Variants in MARK3 observed in about 807,000 individuals in gnomAD.
The protein encoded by MARK3 is microtubule affinity regulating kinase 3.
MARK3 carries 46 observed loss-of-function variants against 90.1 expected under a neutral mutation model. The observed-to-expected ratio is 0.51, with a 90% CI of 0.40 to 0.65. MARK3 has a LOEUF of 0.65. MARK3 is among the 30% of genes least tolerant of loss of function. The pLI is 0.00. For synonymous variants in MARK3, 321 were observed against 332.6 expected (o/e 0.97, Z 0.38); for missense variants, 818 against 947.2 (o/e 0.86, Z 1.79).
At chr14:103,459,861 C>G (rs1306286694) in intron 6 of MARK3, among the ~76,000 whole-genome samples, 2 of 151,608 alleles carry the variant, frequency 1.3e-5, no homozygotes, top group Non-Finnish European at 2.9e-5. Context: ...ATTACTTTGA[C>G]TAAGTAAAAC....
chr14:103,424,836 T>C (rs920328030), intron 2 of MARK3, among the ~76,000 whole-genome samples: 2 of 152,246 alleles, frequency 1.3e-5, no homozygotes, highest in African/African-American at 2.4e-5. Flanking sequence ...CTTTGATTTA[T>C]ATAATTTTTA....
chr14:103,397,404 G>A (rs908920934), intron 1 of MARK3, among the ~76,000 whole-genome samples: 1 of 145,868 alleles, frequency 6.9e-6, no homozygotes, highest in Non-Finnish European at 1.5e-5. Flanking sequence ...TCGGCTCACC[G>A]CAACCTCCGC....
intron 13 of MARK3, among the ~76,000 whole-genome samples, chr14:103,475,697 A>G (rs1177136665): frequency 6.6e-6 from 1 of 152,202 alleles, no homozygotes; most frequent in Admixed American, 6.5e-5. Flanking sequence ...CTGTAATCTC[A>G]GCACTTTGGG....
At chr14:103,500,924 G>C (rs1174905568) in intron 17 of MARK3, among the ~76,000 whole-genome samples, 1 of 152,102 alleles carries the variant, frequency 6.6e-6, no homozygotes, top group African/African-American at 2.4e-5. Flanking sequence ...ACCCAGCCTT[G>C]CTTTTCCATT....
In MARK3 at chr14:103,492,050, T is replaced by C; in HGVS notation, c.1844+16T>C. 6.2e-7 allele frequency: 1 copy of C among 1,612,384 alleles called. No homozygotes were observed. On this transcript the variant is annotated intron_variant, in intron 15 of 17. Coordinates refer to ENST00000429436, the MANE Select transcript of MARK3 (RefSeq NM_001128918.3). Reference sequence around the variant, plus strand: ...TCACAAGGAGGTAAGTGCTAGGTGCTGGTTGTTTTGGAGTGAACACATAGA... The same window carrying C: ...TCACAAGGAGGTAAGTGCTAGGTGCCGGTTGTTTTGGAGTGAACACATAGA...
chr14:103,423,467 T>C (rs1049475332), intron 2 of MARK3, among the ~76,000 whole-genome samples: 2 of 152,160 alleles, frequency 1.3e-5, no homozygotes, highest in Admixed American at 6.5e-5. Context: ...AGCAAGTGGC[T>C]TTCTCACTTA....
Position 103,491,510 on chromosome 14 carries a change from C to G in MARK3, c.1587-267C>G, listed in dbSNP as rs1008265399. The G allele has an allele frequency of 1.0e-5, 4 of 384,356 alleles. No individual in the cohort carries two copies. In the East Asian group the frequency reaches 1.5e-4, roughly 14 times the overall value. The allele number at this position is 384,356 out of a possible 1,614,324, so 23.8% of individuals were successfully genotyped here. A position where few individuals can be genotyped will look rare whatever the true frequency, so the allele number is the denominator to read the frequency against. ...GGGAAAAGTTTGAGTTAGCTGTTCT[C>G]TGTCCTAGAATTTCCCTGCATTAAT... On this transcript the variant is annotated intron_variant, in intron 14 of 17. Transcript: ENST00000429436.
intron 5 of MARK3, among the ~76,000 whole-genome samples, chr14:103,453,599 T>C (rs937473399): frequency 2.0e-5 from 3 of 152,214 alleles, no homozygotes; most frequent in Non-Finnish European, 4.4e-5. Context: ...ACTTTATATA[T>C]GTCTAGTTTG....
intron 1 of MARK3, among the ~76,000 whole-genome samples, chr14:103,400,753 A>G (rs1385129867): frequency 6.6e-6 from 1 of 151,798 alleles, no homozygotes; most frequent in Non-Finnish European, 1.5e-5. Flanking sequence ...AACATCAGCC[A>G]TGTGTGGTGT....
At chr14:103,449,594 T>C (rs1252278384) in intron 4 of MARK3, among the ~76,000 whole-genome samples, 2 of 152,166 alleles carry the variant, frequency 1.3e-5, no homozygotes, top group Non-Finnish European at 1.5e-5. Flanking sequence ...TTGTTTTCTG[T>C]GTCCTCTGTG....
At chr14:103,446,505 G>C (rs1326378038) in intron 3 of MARK3, among the ~76,000 whole-genome samples, 1 of 152,054 alleles carries the variant, frequency 6.6e-6, no homozygotes, top group Non-Finnish European at 1.5e-5. Context: ...CTGGGCATCA[G>C]AGTAAGACTC....
chr14:103,454,561 G>GT (rs2093233096), intron 5 of MARK3, among the ~76,000 whole-genome samples: 1 of 152,030 alleles, frequency 6.6e-6, no homozygotes, highest in Admixed American at 6.6e-5. Flanking sequence ...CTTTAACAGT[G>GT]TTTTGTTGAG....
At chr14:103,467,445 A>G (rs2093529603) in intron 11 of MARK3, 2 of 249,608 alleles carry the variant, frequency 8.0e-6, no homozygotes, top group South Asian at 1.6e-4. Context: ...CGGACAGATC[A>G]CTTGAGACCA....
intron 5 of MARK3, among the ~76,000 whole-genome samples, chr14:103,454,946 C>T (rs540484603): frequency 4.4e-4 from 67 of 152,300 alleles, no homozygotes; most frequent in Admixed American, 7.2e-4. Flanking sequence ...TCTTTTATCT[C>T]TAATAAATAG....
intron 6 of MARK3, 74 bp from the exon 7 acceptor site, chr14:103,462,331 C>T: frequency 2.7e-6 from 3 of 1,099,464 alleles, no homozygotes; most frequent in Admixed American, 1.8e-5. Flanking sequence ...TATGTGTGAA[C>T]ATTAACAAAG....
At chr14:103,467,011 A>G (rs201971883) in intron 10 of MARK3, 68 bp from the exon 11 acceptor site, 192,780 of 672,608 alleles carry the variant, frequency 0.29, 17,361 homozygotes, top group Middle Eastern at 0.36. Context: ...TCTCAAAAAA[A>G]AAAAAAAAAA....
At chr14:103,398,601 G>A (rs1425284485) in intron 1 of MARK3, among the ~76,000 whole-genome samples, 2 of 152,086 alleles carry the variant, frequency 1.3e-5, no homozygotes, top group South Asian at 2.1e-4. Flanking sequence ...TCAAACTTCC[G>A]GGTTTAAGCA....
chr14:103,502,011 A>G (rs2075694018), intron 17 of MARK3, among the ~76,000 whole-genome samples: 1 of 152,150 alleles, frequency 6.6e-6, no homozygotes, highest in Non-Finnish European at 1.5e-5. Flanking sequence ...AATGCTAGGC[A>G]CTCACTGTCT....
intron 7 of MARK3, 49 bp from the exon 8 acceptor site, chr14:103,465,508 A>G (rs760694934): frequency 7.7e-7 from 1 of 1,299,370 alleles, no homozygotes; most frequent in Non-Finnish European, 1.1e-6. Context: ...TCATAATTCT[A>G]ATTCTATTTT....
Sources: allele counts gnomAD v4.1 joint callset (sites outside exome capture counted in the v4.1 genomes callset), GRCh38; gene constraint gnomAD v4.1.1; transcripts MANE v1.5; gene names NCBI Gene and HGNC (gene_info 2026-07-23, HGNC 2026-07-21).